CCDC91: variants seen among roughly 807,000 people sequenced by gnomAD.
The protein encoded by CCDC91 is coiled-coil domain containing 91.
Under a neutral mutation model 63.2 loss-of-function variants are expected in CCDC91, and 48 were observed. The ratio of observed to expected loss-of-function variants is 0.76; its 90% CI spans 0.60 to 0.97. The LOEUF (loss-of-function observed/expected upper bound fraction) is 0.97. Among genes scored for constraint, CCDC91 ranks in the 50% least tolerant of loss-of-function variants. CCDC91 has a pLI of 0.00. For synonymous variants in CCDC91, 167 were observed against 165.8 expected, an observed-to-expected ratio of 1.01 and a Z score of -0.06; for missense variants, 500 against 494.6, an observed-to-expected ratio of 1.01 and a Z score of -0.10.
At chr12:28,241,263 C>G (rs950897449) in intron 1 of CCDC91, among the ~76,000 whole-genome samples, 1 of 152,122 alleles carries the variant, frequency 6.6e-6, no homozygotes, top group Non-Finnish European at 1.5e-5. Context: ...TGCATGGAAC[C>G]TTCACCAGAA....
intron 12 of CCDC91, among the ~76,000 whole-genome samples, chr12:28,501,556 C>T (rs2141133370): frequency 6.6e-6 from 1 of 151,734 alleles, no homozygotes; most frequent in African/African-American, 2.4e-5. Flanking sequence ...AGGGATGAAG[C>T]CCACTTGATC....
chr12:28,392,765 G>A (rs886911157), intron 8 of CCDC91, among the ~76,000 whole-genome samples: 1 of 152,178 alleles, frequency 6.6e-6, no homozygotes, highest in Admixed American at 6.5e-5. Context: ...ATGGCCTCAA[G>A]CTCAAAAGTC....
Position 28,450,336 on chromosome 12 carries a change from T to A in CCDC91, c.856-14T>A. 1 of 1,609,448 alleles carries A rather than the reference T, an allele frequency of 6.2e-7. No individual in the cohort carries two copies. The highest frequency in any genetic ancestry group is 8.5e-7 in the Non-Finnish European group (1 of 1,176,194). On this transcript the variant is annotated splice_polypyrimidine_tract_variant and intron_variant, in intron 9 of 12. Coordinates refer to ENST00000536442, the MANE Select transcript of CCDC91 (RefSeq NM_018318.5). ...TACATTTAATGTCTTTCCAACTGTT[T>A]TATCATTTGACAGGAAATATTGGAA...
At chr12:28,276,080 C>G (rs1349450262) in intron 3 of CCDC91, among the ~76,000 whole-genome samples, 2 of 152,060 alleles carry the variant, frequency 1.3e-5, no homozygotes, top group East Asian at 3.9e-4. Context: ...GATGCCCTCT[C>G]TCACCACTCC....
intron 3 of CCDC91, among the ~76,000 whole-genome samples, chr12:28,274,823 T>C (rs1040194873): frequency 1.3e-5 from 2 of 152,028 alleles, no homozygotes; most frequent in Admixed American, 1.3e-4. Flanking sequence ...CCTAATTGAA[T>C]CCCCTTTATT....
At chr12:28,417,270 G>A (rs1947721357) in intron 8 of CCDC91, among the ~76,000 whole-genome samples, 1 of 151,680 alleles carries the variant, frequency 6.6e-6, no homozygotes. Flanking sequence ...GCTATACTTT[G>A]CATGCAGTAA....
chr12:28,263,295 G>T (rs186010064), intron 3 of CCDC91, among the ~76,000 whole-genome samples: 1 of 151,912 alleles, frequency 6.6e-6, no homozygotes, highest in Non-Finnish European at 1.5e-5. Context: ...ATTTTTAAGT[G>T]TACAGTTCAG....
At chr12:28,302,060 CT>C (rs371772954) in intron 3 of CCDC91, among the ~76,000 whole-genome samples, 51 of 151,636 alleles carry the variant, frequency 3.4e-4, no homozygotes, top group African/African-American at 1.2e-3. Flanking sequence ...CCTTATTCTA[CT>C]TTTTAAATTT....
chr12:28,416,518 G>A (rs1354178026), intron 8 of CCDC91, among the ~76,000 whole-genome samples: 1 of 152,168 alleles, frequency 6.6e-6, no homozygotes, highest in African/African-American at 2.4e-5. Context: ...GGACAGGTGG[G>A]AGTGGGTGGG....
rs1943133581 is a variant in CCDC91 at position 28,210,198 on chromosome 12, G to C, written c.-15+19557G>C. Among the ~76,000 whole-genome samples, 4 of 152,320 alleles carry C rather than the reference G, an allele frequency of 2.6e-5. No homozygotes were observed. The South Asian group carries it at 8.3e-4, about 32-fold the overall frequency. On this transcript the variant is annotated intron_variant, in intron 1 of 12. Coordinates refer to ENST00000536442, the MANE Select transcript of CCDC91 (RefSeq NM_018318.5). ...TCCCCAGGGCTTTAAAGTCAAGGCA[G>C]TGTATGACCTTAAAGCATTTAACAA...
At chr12:28,373,843 A>T (rs1394600700) in intron 7 of CCDC91, among the ~76,000 whole-genome samples, 2 of 152,054 alleles carry the variant, frequency 1.3e-5, no homozygotes, top group Non-Finnish European at 2.9e-5. Context: ...GGTGATAGTG[A>T]GTGAGTTCTC....
intron 1 of CCDC91, among the ~76,000 whole-genome samples, chr12:28,254,125 A>G (rs565931296): frequency 6.6e-6 from 1 of 152,350 alleles, no homozygotes; most frequent in African/African-American, 2.4e-5. Context: ...AGTGTATTAA[A>G]TATTCAGACT....
chr12:28,239,636 C>T (rs1352615269), intron 1 of CCDC91, among the ~76,000 whole-genome samples: 3 of 152,146 alleles, frequency 2.0e-5, no homozygotes, highest in Non-Finnish European at 4.4e-5. Flanking sequence ...AACATAAACT[C>T]ATGCTGAAAC....
At chr12:28,283,305 T>C (rs767707572) in intron 3 of CCDC91, among the ~76,000 whole-genome samples, 35 of 151,804 alleles carry the variant, frequency 2.3e-4, no homozygotes, top group Non-Finnish European at 3.1e-4. Context: ...TTGGGGAGCA[T>C]GGTCATTTTC....
chr12:28,523,037 G>A (rs184817543), intron 12 of CCDC91, among the ~76,000 whole-genome samples: 1 of 152,238 alleles, frequency 6.6e-6, no homozygotes, highest in Admixed American at 6.5e-5. Context: ...TTGCTGAGAA[G>A]AATGTATATT....
chr12:28,318,123 A>G (rs192073769), intron 6 of CCDC91, among the ~76,000 whole-genome samples: 2 of 152,028 alleles, frequency 1.3e-5, no homozygotes, highest in African/African-American at 4.8e-5. Flanking sequence ...TTAAACAATG[A>G]GAAGAGTATA....
intron 8 of CCDC91, among the ~76,000 whole-genome samples, chr12:28,415,224 CG>C (rs1947566562): frequency 7.7e-6 from 1 of 130,464 alleles, no homozygotes; most frequent in Non-Finnish European, 1.7e-5. Flanking sequence ...GTTTGTAAAG[CG>C]GATTTTTTTT....
chr12:28,323,803 GGCATATGCAAAGCCCT>G (rs1390935109), intron 6 of CCDC91, among the ~76,000 whole-genome samples: 1 of 151,796 alleles, frequency 6.6e-6, no homozygotes, highest in Non-Finnish European at 1.5e-5. Flanking sequence ...TAGACGGAGT[GGCATATGCAAAGCCCT>G]GCAGTTGTGA....
At chr12:28,514,081 G>A (rs767281912) in intron 12 of CCDC91, among the ~76,000 whole-genome samples, 4 of 151,968 alleles carry the variant, frequency 2.6e-5, no homozygotes, top group Non-Finnish European at 5.9e-5. Context: ...GCCATCAGCA[G>A]TGTATAAGCA....
Sources: gnomAD v4.1 joint callset for allele counts (sites outside exome capture counted in the v4.1 genomes callset) on GRCh38, gnomAD v4.1.1 for gene constraint, MANE v1.5 for transcripts, NCBI Gene and HGNC (gene_info 2026-07-23, HGNC 2026-07-21) for gene names.